ANK3: variants seen among roughly 807,000 people sequenced by gnomAD.
ANK3 encodes the protein ankyrin 3.
ANK3 carries 57 observed loss-of-function variants against 370.9 expected under a neutral mutation model. The observed-to-expected ratio is 0.15, with a 90% CI of 0.12 to 0.19. The LOEUF (loss-of-function observed/expected upper bound fraction) is 0.19, where lower values mean the gene tolerates loss of function less well. ANK3 is among the 10% of genes least tolerant of loss of function. ANK3 has a pLI of 1.00. For synonymous variants in ANK3, 1,929 were observed against 1,946.3 expected (o/e 0.99, Z 0.23); for missense variants, 4,439 against 5,302.1 (o/e 0.84, Z 5.06).
intron 1 of ANK3, among the ~76,000 whole-genome samples, chr10:60,716,387 T>TA (rs56087324): frequency 2.4e-4 from 37 of 151,552 alleles, no homozygotes; most frequent in Admixed American, 5.9e-4. Context: ...AAATATAGGT[T>TA]AAAAAAAAAT....
At chr10:60,357,341 T>C (rs1482378431) in intron 1 of ANK3, among the ~76,000 whole-genome samples, 4 of 152,236 alleles carry the variant, frequency 2.6e-5, no homozygotes, top group African/African-American at 9.6e-5. Flanking sequence ...CTTGGCTCAC[T>C]TGTTCTGGTA....
chr10:60,356,063 C>T (rs1228369375), intron 1 of ANK3, among the ~76,000 whole-genome samples: 3 of 152,136 alleles, frequency 2.0e-5, no homozygotes, highest in Admixed American at 6.5e-5. Flanking sequence ...AAATATGTGC[C>T]GGGCTGCTTA....
rs2072654509 is a variant in ANK3 at position 60,028,853 on chromosome 10, AG to A, written c.*992del. The stretch of plus-strand genomic sequence containing the variant: ...CCACCCCCTAAAGCAACTACCGTAT[AG>A]GTTATTTTTTTTTGTTGTTTTTAGG... On this transcript the variant is annotated 3_prime_UTR_variant, in exon 44 of 44. Coordinates refer to ENST00000280772, the MANE Select transcript of ANK3 (RefSeq NM_020987.5). 6.6e-6 allele frequency: 1 copy of A among 151,510 alleles called. No homozygotes were observed. Among genetic ancestry groups the A allele is most frequent in the Admixed American group, 6.6e-5 (1 of 15,154 alleles). The allele number at this position is 151,510 out of a possible 1,614,324, so 9.4% of individuals were successfully genotyped here.
At chr10:60,348,437 G>C (rs988108240) in intron 1 of ANK3, among the ~76,000 whole-genome samples, 2 of 151,460 alleles carry the variant, frequency 1.3e-5, no homozygotes, top group African/African-American at 4.9e-5. Flanking sequence ...AAACCTCCCG[G>C]AGACAGCAGT....
At chr10:60,235,583 A>C (rs1160394449) in intron 7 of ANK3, among the ~76,000 whole-genome samples, 3 of 113,198 alleles carry the variant, frequency 2.7e-5, no homozygotes, top group East Asian at 4.7e-4. Flanking sequence ...TTTTCTTTTT[A>C]AGTGACAGAG....
chr10:60,330,927 T>C (rs1243515965), intron 1 of ANK3, among the ~76,000 whole-genome samples: 2 of 152,180 alleles, frequency 1.3e-5, no homozygotes, highest in African/African-American at 4.8e-5. Context: ...CATGGAATAC[T>C]GTGCAGCCAT....
intron 13 of ANK3, among the ~76,000 whole-genome samples, chr10:60,198,976 T>C (rs1046436899): frequency 6.6e-6 from 1 of 151,924 alleles, no homozygotes; most frequent in Admixed American, 6.6e-5. Flanking sequence ...AAAAGCAGAG[T>C]GTGAGGAAGG....
chr10:60,381,307 T>C (rs916771031), intron 1 of ANK3, among the ~76,000 whole-genome samples: 33 of 152,168 alleles, frequency 2.2e-4, no homozygotes, highest in African/African-American at 7.7e-4. Context: ...TGTCTGTACA[T>C]AGGGTTCTTA....
chr10:60,637,725 C>T (rs1345958170), intron 1 of ANK3, among the ~76,000 whole-genome samples: 3 of 152,122 alleles, frequency 2.0e-5, no homozygotes, highest in African/African-American at 7.2e-5. Flanking sequence ...GAGAAAAATA[C>T]TATAATGTTA....
At chr10:60,512,553 T>C (rs1010143866) in intron 2 of ANK3, among the ~76,000 whole-genome samples, 1 of 152,164 alleles carries the variant, frequency 6.6e-6, no homozygotes, top group Non-Finnish European at 1.5e-5. Flanking sequence ...AATTATTCAC[T>C]GCAGTGCAAG....
At chr10:60,081,363 T>C (rs2085191121) in intron 35 of ANK3, 1 of 263,714 alleles carries the variant, frequency 3.8e-6, no homozygotes, top group Non-Finnish European at 7.6e-6. Context: ...CCCAAAGTGC[T>C]AGGATTACAG....
chr10:60,226,566 T>C (rs1197968724), intron 8 of ANK3, among the ~76,000 whole-genome samples: 1 of 25,902 alleles, frequency 3.9e-5, no homozygotes, highest in African/African-American at 1.3e-4. Flanking sequence ...TATATATACA[T>C]AGTATATGTA....
At chr10:60,121,390 A>T (rs1175752397) in intron 25 of ANK3, among the ~76,000 whole-genome samples, 152 of 151,988 alleles carry the variant, frequency 1.0e-3, no homozygotes, top group African/African-American at 3.4e-3. Flanking sequence ...AAAAAAAAAA[A>T]AAAAAGGAAG....
At chr10:60,138,687 C>T in intron 24 of ANK3, 1 of 482,334 alleles carries the variant, frequency 2.1e-6, no homozygotes, top group Non-Finnish European at 3.6e-6. Flanking sequence ...CCAGTTTTGT[C>T]AGTGAGCTCT....
At chr10:60,183,556 C>G (rs936126168) in intron 17 of ANK3, among the ~76,000 whole-genome samples, 2 of 152,122 alleles carry the variant, frequency 1.3e-5, no homozygotes, top group African/African-American at 4.8e-5. Flanking sequence ...GATCATTGCT[C>G]ATTTTAAAAA....
chr10:60,147,645 T>C (rs1173437503), intron 23 of ANK3, among the ~76,000 whole-genome samples: 1 of 152,118 alleles, frequency 6.6e-6, no homozygotes, highest in Non-Finnish European at 1.5e-5. Flanking sequence ...GTTCTCGTGA[T>C]AGTGAGTGAG....
At chr10:60,178,562 A>G (rs2096048288) in intron 18 of ANK3, among the ~76,000 whole-genome samples, 1 of 152,184 alleles carries the variant, frequency 6.6e-6, no homozygotes, top group Non-Finnish European at 1.5e-5. Flanking sequence ...TTATAATACT[A>G]TGAGTTTTGC....
At chr10:60,677,052 C>T (rs183995901) in intron 1 of ANK3, among the ~76,000 whole-genome samples, 2 of 152,180 alleles carry the variant, frequency 1.3e-5, no homozygotes, top group Non-Finnish European at 1.5e-5. Context: ...TTTTAAGAAT[C>T]TGAGGGTTAA....
intron 40 of ANK3, chr10:60,059,990 T>A (rs146749175): frequency 6.3e-7 from 1 of 1,591,706 alleles, no homozygotes; most frequent in Non-Finnish European, 8.6e-7. Context: ...CCAGTTCCAC[T>A]TGAAGGGAAG....
Sources: gnomAD v4.1 joint callset for allele counts (sites outside exome capture counted in the v4.1 genomes callset) on GRCh38, gnomAD v4.1.1 for gene constraint, MANE v1.5 for transcripts, NCBI Gene and HGNC (gene_info 2026-07-23, HGNC 2026-07-21) for gene names.